Variants in SLC1A2 observed in about 807,000 individuals in gnomAD.
The protein encoded by SLC1A2 is excitatory amino acid transporter 2.
A neutral mutation model predicts 48.8 loss-of-function variants in SLC1A2; 15 were observed. That is an observed-to-expected ratio of 0.31 (90% CI 0.21 to 0.47). The LOEUF (loss-of-function observed/expected upper bound fraction) is 0.47, where lower values mean the gene tolerates loss of function less well. Ranked by LOEUF, SLC1A2 falls within the 20% of genes least tolerant of loss-of-function variation. The pLI is 0.99. For synonymous variants in SLC1A2, 279 were observed against 272.6 expected (o/e 1.02, Z -0.23); for missense variants, 502 against 730.5 (o/e 0.69, Z 3.61).
chr11:35,364,997 C>A (rs186427241), intron 1 of SLC1A2, among the ~76,000 whole-genome samples: 1 of 152,128 alleles, frequency 6.6e-6, no homozygotes, highest in Admixed American at 6.5e-5. Flanking sequence ...ACAGCCAATG[C>A]GTTTTAGAGT....
intron 8 of SLC1A2, chr11:35,285,601 T>C (rs3763888): frequency 0.38 from 57,345 of 152,038 alleles, 11,032 homozygotes; most frequent in South Asian, 0.53. Context: ...ATAAAACTTA[T>C]AAATTGTTGA....
In SLC1A2 at chr11:35,258,463, G is replaced by A. The variant is rs1479017011; in HGVS notation, c.*2431C>T. 6.6e-6 allele frequency: 1 copy of A among 152,600 alleles called. No individual in the cohort carries two copies. Among genetic ancestry groups the A allele is most frequent in the African/African-American group, 2.4e-5 (1 of 41,450 alleles). The allele number at this position is 152,600 out of a possible 1,614,324, so 9.5% of individuals were successfully genotyped here. A position where few individuals can be genotyped will look rare whatever the true frequency, so the allele number is the denominator to read the frequency against. ...CTGTGACCACTCCATTGAGAAACAT[G>A]CCCATGTATATAGATCCCAAAGCTG... is the stretch of plus-strand genomic sequence containing the variant. On this transcript the variant is annotated 3_prime_UTR_variant, in exon 11 of 11. Transcript: ENST00000278379.
Position 35,295,348 on chromosome 11 carries a change from C to T in SLC1A2, c.858-2828G>A, listed in dbSNP as rs187679779. The stretch of plus-strand genomic sequence containing the variant: ...TATAGGTGTGGCCGACCAACTGCAC[C>T]CATTTTTAAAACAAACAACTTAGGC... On this transcript the variant is annotated intron_variant, in intron 6 of 10. Transcript: ENST00000278379. 2.6e-5 allele frequency among the ~76,000 whole-genome samples: 4 copies of T among 152,316 alleles called. No individual in the cohort carries two copies. In the East Asian group the frequency reaches 7.7e-4, roughly 29 times the overall value.
intron 1 of SLC1A2, among the ~76,000 whole-genome samples, chr11:35,379,301 T>C (rs1399326729): frequency 6.6e-6 from 1 of 152,244 alleles, no homozygotes; most frequent in Non-Finnish European, 1.5e-5. Flanking sequence ...TGCCAGCCTT[T>C]GTTATTGCTG....
At chr11:35,303,488 A>G (rs1039795237) in intron 5 of SLC1A2, among the ~76,000 whole-genome samples, 2 of 152,196 alleles carry the variant, frequency 1.3e-5, no homozygotes, top group African/African-American at 4.8e-5. Flanking sequence ...TACAAAATCA[A>G]TTTCAGGCCA....
intron 6 of SLC1A2, among the ~76,000 whole-genome samples, chr11:35,300,365 A>G: frequency 6.6e-6 from 1 of 152,184 alleles, no homozygotes; most frequent in East Asian, 1.9e-4. Context: ...ATGTCCCCCA[A>G]ATTCTTATGT....
intron 1 of SLC1A2, among the ~76,000 whole-genome samples, chr11:35,332,357 G>C (rs1382040334): frequency 6.6e-6 from 1 of 152,182 alleles, no homozygotes; most frequent in Non-Finnish European, 1.5e-5. Flanking sequence ...TGGAAGAAAG[G>C]CTTGTTCCTG....
upstream of SLC1A2, chr11:35,419,764 C>T (rs77619780): frequency 0.013 from 3,643 of 280,718 alleles, 56 homozygotes; most frequent in Admixed American, 0.041. The surrounding 1 kb of genome is among the most constrained non-coding windows in gnomAD (Gnocchi z 5.4). Flanking sequence ...CCCTGAAGCC[C>T]GCGTGGCCCC....
intron 8 of SLC1A2, among the ~76,000 whole-genome samples, chr11:35,281,432 T>C (rs1195608752): frequency 6.6e-6 from 1 of 152,198 alleles, no homozygotes; most frequent in South Asian, 2.1e-4. Context: ...TTGGACTATG[T>C]GGCAAGGGTC....
intron 1 of SLC1A2, among the ~76,000 whole-genome samples, chr11:35,328,733 G>A (rs1269108553): frequency 2.6e-5 from 4 of 152,176 alleles, no homozygotes; most frequent in African/African-American, 9.7e-5. Flanking sequence ...AAGGATCCCA[G>A]AGAGAAGAAA....
chr11:35,276,786 T>C (rs1850455670), intron 9 of SLC1A2, among the ~76,000 whole-genome samples: 1 of 152,244 alleles, frequency 6.6e-6, no homozygotes. Context: ...TGAGCCTATT[T>C]GTTTTATTTT....
At chr11:35,317,111 C>T in intron 2 of SLC1A2, 1 of 406,498 alleles carries the variant, frequency 2.5e-6, no homozygotes, top group South Asian at 4.9e-5. Flanking sequence ...GCAAAGTCTC[C>T]ATAAGTATAG....
intron 1 of SLC1A2, among the ~76,000 whole-genome samples, chr11:35,321,290 C>A (rs552654463): frequency 6.6e-6 from 1 of 152,166 alleles, no homozygotes; most frequent in East Asian, 1.9e-4. Flanking sequence ...GGTGGGAACA[C>A]AGCCAAACCA....
chr11:35,300,496 C>G (rs751021742), intron 6 of SLC1A2, among the ~76,000 whole-genome samples: 4 of 152,202 alleles, frequency 2.6e-5, no homozygotes, highest in Non-Finnish European at 5.9e-5. Context: ...CTCGAGGGAG[C>G]CTGTTTTCCC....
chr11:35,270,839 G>C (rs1446027288), intron 9 of SLC1A2, among the ~76,000 whole-genome samples: 4 of 152,250 alleles, frequency 2.6e-5, no homozygotes, highest in Admixed American at 2.6e-4. Flanking sequence ...AACAAGTATA[G>C]TGAGAGACGC....
chr11:35,345,270 A>G (rs558555273), intron 1 of SLC1A2, among the ~76,000 whole-genome samples: 4 of 152,082 alleles, frequency 2.6e-5, no homozygotes, highest in Non-Finnish European at 5.9e-5. Flanking sequence ...ACTTCATAAA[A>G]CGTGCAGACC....
chr11:35,398,707 A>C lies in SLC1A2; in HGVS notation c.17+20243T>G, dbSNP rs538919856. On this transcript the variant is annotated intron_variant, in intron 1 of 10. Coordinates refer to ENST00000278379, the MANE Select transcript of SLC1A2 (RefSeq NM_004171.4). ...AAATATATATGGCCTGAGTTTGATCAAGGAAACACAGCCCAAACTTGAAGC... is the reference window on the plus strand; with the variant it reads ...AAATATATATGGCCTGAGTTTGATCCAGGAAACACAGCCCAAACTTGAAGC... Among the ~76,000 whole-genome samples the C allele has an allele frequency of 5.3e-5, 8 of 152,366 alleles. No homozygotes were observed. The South Asian group carries it at 1.7e-3, about 32-fold the overall frequency.
At chr11:35,317,723 G>C (rs1851929457) in intron 1 of SLC1A2, among the ~76,000 whole-genome samples, 1 of 152,196 alleles carries the variant, frequency 6.6e-6, no homozygotes, top group Admixed American at 6.5e-5. Flanking sequence ...TAAAGGAAAG[G>C]AACACCGCAT....
At chr11:35,376,037 G>C (rs1047810586) in intron 1 of SLC1A2, among the ~76,000 whole-genome samples, 4 of 152,104 alleles carry the variant, frequency 2.6e-5, no homozygotes, top group Non-Finnish European at 5.9e-5. Context: ...AACCAGCCAG[G>C]CTAGTCTCAG....
Sources: allele counts gnomAD v4.1 joint callset (sites outside exome capture counted in the v4.1 genomes callset), GRCh38; gene constraint gnomAD v4.1.1; non-coding constraint Gnocchi (gnomAD v3.1); transcripts MANE v1.5; gene names NCBI Gene and HGNC (gene_info 2026-07-23, HGNC 2026-07-21).